Variants in ATP1B3 observed in about 807,000 individuals in gnomAD.
ATP1B3 encodes the protein ATPase Na+/K+ transporting subunit beta 3.
Under a neutral mutation model 30.2 loss-of-function variants are expected in ATP1B3, and 10 were observed. The ratio of observed to expected loss-of-function variants is 0.33; its 90% CI spans 0.20 to 0.56. ATP1B3 has a LOEUF of 0.56. ATP1B3 is among the 20% of genes least tolerant of loss of function. ATP1B3 has a pLI of 0.90. For missense variants in ATP1B3, 238 were observed against 336.7 expected, an observed-to-expected ratio of 0.71 and a Z score of 2.29; for synonymous variants, 113 against 117.0, an observed-to-expected ratio of 0.97 and a Z score of 0.22.
Position 141,907,200 on chromosome 3 carries a change from T to C in ATP1B3, c.272T>C (p.Leu91Ser). Reference protein sequence around the residue: ...LMVFPKPVTALEYTFSRSDPT... With the variant: ...LMVFPKPVTASEYTFSRSDPT... Reference sequence around the variant, plus strand: ...GTTTTTCCAAAACCAGTGACCGCATTGGAATATACATTCAGTAGGTCTGAT... The same window carrying C: ...GTTTTTCCAAAACCAGTGACCGCATCGGAATATACATTCAGTAGGTCTGAT... The change falls in exon 3 of 7, where the codon TTG becomes TCG. Residue 91 changes from leucine (L) to serine (S), a missense_variant. Transcript: ENST00000286371. 6.2e-7 allele frequency: 1 copy of C among 1,611,468 alleles called. No individual in the cohort carries two copies. Among genetic ancestry groups the C allele is most frequent in the Non-Finnish European group, 8.5e-7 (1 of 1,178,956 alleles).
At position 141,907,199 on chromosome 3, in the gene ATP1B3, T is replaced by A. The variant is rs778948900; in HGVS notation, c.271T>A (p.Leu91Met). The A allele has an allele frequency of 6.2e-7, 1 of 1,611,234 alleles. No individual in the cohort carries two copies. Reference sequence around the variant, plus strand: ...GGTTTTTCCAAAACCAGTGACCGCATTGGAATATACATTCAGTAGGTCTGA... The same window carrying A: ...GGTTTTTCCAAAACCAGTGACCGCAATGGAATATACATTCAGTAGGTCTGA... ...LMVFPKPVTA[L>M]EYTFSRSDPT... The change falls in exon 3 of 7, where the codon TTG becomes ATG. Residue 91 changes from leucine to methionine, a missense_variant. This residue lies in a region of ATP1B3 where 130 missense variants were observed against 148.8 expected (regional missense o/e 0.87). Transcript: ENST00000286371.
chr3:141,887,785 GA>G lies in ATP1B3; in HGVS notation c.109+10878del, dbSNP rs1341986200. 7.2e-5 allele frequency among the ~76,000 whole-genome samples: 11 copies of G among 152,230 alleles called. No individual in the cohort carries two copies. In the East Asian group the frequency reaches 2.1e-3, roughly 29 times the overall value. ...TGAATCTCACAGGTTGACTGCGAAC[GA>G]AAGCCTTACCAAAGAGAGTACATAC... On this transcript the variant is annotated intron_variant, in intron 1 of 6. Coordinates refer to ENST00000286371, the MANE Select transcript of ATP1B3 (RefSeq NM_001679.4).
At chr3:141,890,825 A>T (rs1401758914) in intron 1 of ATP1B3, among the ~76,000 whole-genome samples, 2 of 151,852 alleles carry the variant, frequency 1.3e-5, no homozygotes, top group African/African-American at 4.8e-5. Context: ...TGCCTGCCTC[A>T]GCCTCCCACA....
Position 141,876,702 on chromosome 3 carries a change from C to T in ATP1B3, c.-100C>T, listed in dbSNP as rs1238675370. The T allele has an allele frequency of 2.4e-6, 2 of 827,956 alleles. No homozygotes were observed. The highest frequency in any genetic ancestry group is 3.6e-5 in the African/African-American group (2 of 55,476). The allele number at this position is 827,956 out of a possible 1,614,324, so 51.3% of individuals were successfully genotyped here. A position where few individuals can be genotyped will look rare whatever the true frequency, so the allele number is the denominator to read the frequency against. The stretch of plus-strand genomic sequence containing the variant: ...TTCTCGGCCGTCCCACCCTTCACTG[C>T]CGTCTCCGGGCTGCGCCGCCGGAGC... On this transcript the variant is annotated 5_prime_UTR_variant, in exon 1 of 7. Transcript: ENST00000286371.
chr3:141,898,379 A>G (rs1043137991), intron 1 of ATP1B3, among the ~76,000 whole-genome samples: 7 of 152,260 alleles, frequency 4.6e-5, no homozygotes, highest in African/African-American at 1.7e-4. Flanking sequence ...TTGTATCTAT[A>G]TATAAATAAC....
intron 1 of ATP1B3, among the ~76,000 whole-genome samples, chr3:141,890,201 G>A (rs568344402): frequency 1.4e-5 from 2 of 138,674 alleles, no homozygotes; most frequent in Admixed American, 7.6e-5. Flanking sequence ...CTCCTGCCTC[G>A]CCTCCTGAGT....
chr3:141,921,937 T>C lies in ATP1B3; in HGVS notation c.583-40T>C, dbSNP rs777427833. 8.5e-6 allele frequency: 10 copies of C among 1,180,316 alleles called. No homozygotes were observed. In the African/African-American group the frequency reaches 1.4e-4, roughly 17 times the overall value. The allele number at this position is 1,180,316 out of a possible 1,614,324, so 73.1% of individuals were successfully genotyped here. A position where few individuals can be genotyped will look rare whatever the true frequency, so the allele number is the denominator to read the frequency against. ...ATAAACATAGTTTTTACAAATTCTTTTTGTGACCTAAAGAGGATTTCTTTT... is the reference window on the plus strand; with the variant it reads ...ATAAACATAGTTTTTACAAATTCTTCTTGTGACCTAAAGAGGATTTCTTTT... On this transcript the variant is annotated intron_variant, in intron 5 of 6. Transcript: ENST00000286371.
intron 1 of ATP1B3, among the ~76,000 whole-genome samples, chr3:141,891,120 A>G (rs1223423744): frequency 6.6e-6 from 1 of 152,170 alleles, no homozygotes. Context: ...CAATGATATG[A>G]ATTGGCAACT....
rs140172251 is a variant in ATP1B3, at chr3:141,903,945, C to T, written c.238+197C>T. ...GATTACAGGCATGCGCCACCACGCC[C>T]GGCTAATTTTGTATTTTTAGTAGAG... On this transcript the variant is annotated intron_variant, in intron 2 of 6. Coordinates refer to ENST00000286371, the MANE Select transcript of ATP1B3 (RefSeq NM_001679.4). Among the ~76,000 whole-genome samples, 17 of 152,156 alleles carry T rather than the reference C, an allele frequency of 1.1e-4. No homozygotes were observed. In the East Asian group the frequency reaches 1.7e-3, roughly 16 times the overall value.
chr3:141,896,503 CA>C (rs1051050927), intron 1 of ATP1B3, among the ~76,000 whole-genome samples: 108 of 152,156 alleles, frequency 7.1e-4, no homozygotes, highest in African/African-American at 2.5e-3. Context: ...CCAGCTTGGG[CA>C]GCAGAACGAG....
rs1389328975 is a variant in ATP1B3, at chr3:141,902,227, G to C, written c.110-1393G>C. ...CTCTCCATCCTTATTTTGGCCACCT[G>C]GTAATTGGGGGGGAGGGGTAGAATG... On this transcript the variant is annotated intron_variant, in intron 1 of 6. Coordinates refer to ENST00000286371, the MANE Select transcript of ATP1B3 (RefSeq NM_001679.4). The C allele has an allele frequency of 3.1e-6, 4 of 1,283,424 alleles. No homozygotes were observed. The East Asian group carries it at 1.7e-4, about 54-fold the overall frequency. The allele number at this position is 1,283,424 out of a possible 1,614,324, so 79.5% of individuals were successfully genotyped here. A position where few individuals can be genotyped will look rare whatever the true frequency, so the allele number is the denominator to read the frequency against.
intron 1 of ATP1B3, among the ~76,000 whole-genome samples, chr3:141,887,931 G>T (rs1255242802): frequency 6.6e-6 from 1 of 152,204 alleles, no homozygotes; most frequent in Admixed American, 6.5e-5. Context: ...AGGAAGGGAC[G>T]TGACGGAACT....
rs202240411 is a variant in ATP1B3, at chr3:141,913,764, A to C, written c.459A>C (p.Ala153=). 1.5e-4 allele frequency: 236 copies of C among 1,613,984 alleles called. No individual in the cohort carries two copies. The highest frequency in any genetic ancestry group is 1.9e-4 in the Non-Finnish European group (227 of 1,179,992). Reference sequence around the variant, plus strand: ...AGTTTCCTATTTCATTACTTCAAGCATGCAGTGGTATGAATGATCCTGATT... The same window carrying C: ...AGTTTCCTATTTCATTACTTCAAGCCTGCAGTGGTATGAATGATCCTGATT... ...ACQFPISLLQ[A]CSGMNDPDFG... is the part of the protein sequence containing the mutation. The change falls in exon 4 of 7, where the codon GCA becomes GCC. Residue 153 remains alanine, a synonymous_variant. Transcript: ENST00000286371.
rs147371875 is a variant in ATP1B3 at position 141,881,886 on chromosome 3, A to G, written c.109+4976A>G. On this transcript the variant is annotated intron_variant, in intron 1 of 6. Coordinates refer to ENST00000286371, the MANE Select transcript of ATP1B3 (RefSeq NM_001679.4). ...AGAAGAGAAGGGCAGGTACTGAGCCATTATCTAGCAGGAGAAAGTACTTCC... is the reference window on the plus strand; with the variant it reads ...AGAAGAGAAGGGCAGGTACTGAGCCGTTATCTAGCAGGAGAAAGTACTTCC... Among the ~76,000 whole-genome samples, 19 of 152,284 alleles carry G rather than the reference A, an allele frequency of 1.2e-4. No individual in the cohort carries two copies. In the East Asian group the frequency reaches 3.7e-3, roughly 29 times the overall value.
chr3:141,878,628 A>G (rs1249252869), intron 1 of ATP1B3, among the ~76,000 whole-genome samples: 8 of 152,220 alleles, frequency 5.3e-5, no homozygotes, highest in African/African-American at 4.8e-5. Context: ...TATTGAGTCA[A>G]TGCATTTAAA....
At chr3:141,904,004 G>C (rs143927090) in intron 2 of ATP1B3, among the ~76,000 whole-genome samples, 2 of 152,062 alleles carry the variant, frequency 1.3e-5, no homozygotes, top group Admixed American at 1.3e-4. Flanking sequence ...GGCTGGTCTC[G>C]AACTCCCGAC....
rs1934177550 is a variant in ATP1B3 at position 141,902,229 on chromosome 3, T to C, written c.110-1391T>C. ...CTCCATCCTTATTTTGGCCACCTGG[T>C]AATTGGGGGGGAGGGGTAGAATGCT... On this transcript the variant is annotated intron_variant, in intron 1 of 6. Coordinates refer to ENST00000286371, the MANE Select transcript of ATP1B3 (RefSeq NM_001679.4). The C allele has an allele frequency of 4.7e-6, 6 of 1,282,708 alleles. No individual in the cohort carries two copies. In the South Asian group the frequency reaches 7.4e-5, roughly 16 times the overall value. 79.5% of individuals were successfully genotyped at this position (1,282,708 alleles called of 1,614,324 possible).
intron 2 of ATP1B3, among the ~76,000 whole-genome samples, chr3:141,906,075 T>C (rs1368239457): frequency 2.0e-5 from 3 of 151,786 alleles, no homozygotes; most frequent in Non-Finnish European, 4.4e-5. Flanking sequence ...TAATATGTAT[T>C]ATATGTACAT....
Position 141,907,189 on chromosome 3 carries a change from A to G in ATP1B3, c.261A>G (p.Pro87=). The G allele has an allele frequency of 1.4e-5, 23 of 1,610,624 alleles. No homozygotes were observed. The highest frequency in any genetic ancestry group is 1.9e-5 in the Non-Finnish European group (22 of 1,178,572). ...TAGGACTCATGGTTTTTCCAAAACC[A>G]GTGACCGCATTGGAATATACATTCA... The part of the protein sequence containing the change: ...PSPGLMVFPK[P]VTALEYTFSR... The change falls in exon 3 of 7, where the codon CCA becomes CCG. Residue 87 remains proline, a synonymous_variant. Transcript: ENST00000286371.
Sources: allele counts gnomAD v4.1 joint callset (sites outside exome capture counted in the v4.1 genomes callset), GRCh38; gene constraint gnomAD v4.1.1; regional missense constraint gnomAD v4.1.1; transcripts MANE v1.5; gene names NCBI Gene and HGNC (gene_info 2026-07-23, HGNC 2026-07-21).